TEX11: variants seen among roughly 807,000 people sequenced by gnomAD.
TEX11 encodes testis expressed 11.
In TEX11, 7 loss-of-function variants were observed where a neutral mutation model predicts 84.4. The observed-to-expected ratio is 0.08, with a 90% confidence interval of 0.05 to 0.16. TEX11 has a LOEUF of 0.16. Ranked by LOEUF, TEX11 falls within the 10% of genes least tolerant of loss-of-function variation. The probability of loss-of-function intolerance (pLI) is 1.00; values close to 1 mark genes in which losing one functional copy is unlikely to be tolerated. For synonymous variants in TEX11, 264 were observed against 222.8 expected (o/e 1.18, Z -1.64); for missense variants, 551 against 660.5 (o/e 0.83, Z 1.82).
At chrX:70,856,857 TA>T (rs11338486) in intron 5 of TEX11, among the ~76,000 whole-genome samples, 22,126 of 108,769 alleles carry the variant, frequency 0.2, 3,145 homozygotes, top group African/African-American at 0.45. Context: ...ATTTTTTTTT[TA>T]AAAAAAAGAG....
intron 9 of TEX11, among the ~76,000 whole-genome samples, chrX:70,759,753 G>A (rs1267374257): frequency 9.0e-6 from 1 of 111,665 alleles, no homozygotes; most frequent in East Asian, 2.8e-4. Flanking sequence ...AATGTTGGAA[G>A]TTCTGGCCAG....
At chrX:70,646,286 T>A (rs773449345) in intron 17 of TEX11, among the ~76,000 whole-genome samples, 1 of 111,863 alleles carries the variant, frequency 8.9e-6, no homozygotes, top group Non-Finnish European at 1.9e-5. Context: ...AGATTAAAGA[T>A]TTAAACGTAA....
chrX:70,781,897 G>A (rs2091041513), intron 9 of TEX11, among the ~76,000 whole-genome samples: 1 of 111,551 alleles, frequency 9.0e-6, no homozygotes, highest in African/African-American at 3.3e-5. Context: ...CACTCTTCAG[G>A]ATATTATCCA....
intron 9 of TEX11, 82 bp from the exon 10 acceptor site, chrX:70,744,301 A>G (rs182895098): frequency 7.7e-6 from 3 of 388,912 alleles, no homozygotes; most frequent in Admixed American, 7.3e-5. Flanking sequence ...TCAAGATTAT[A>G]TATTACTAAG....
intron 2 of TEX11, among the ~76,000 whole-genome samples, chrX:70,902,016 G>A (rs1159070105): frequency 1.8e-5 from 2 of 112,872 alleles, no homozygotes; most frequent in Admixed American, 9.3e-5. Context: ...TCGGGACACC[G>A]AGGAAGGAGG....
intron 18 of TEX11, among the ~76,000 whole-genome samples, chrX:70,629,118 C>T (rs1250578417): frequency 9.0e-6 from 1 of 111,624 alleles, no homozygotes; most frequent in Non-Finnish European, 1.9e-5. Flanking sequence ...TCTAAGAGCT[C>T]CACAGATGCT....
At chrX:70,831,115 A>C (rs1003073100) in intron 8 of TEX11, among the ~76,000 whole-genome samples, 2 of 111,983 alleles carry the variant, frequency 1.8e-5, no homozygotes, top group Non-Finnish European at 3.8e-5. Flanking sequence ...ATACAATAGA[A>C]TACTATTCAG....
intron 8 of TEX11, among the ~76,000 whole-genome samples, chrX:70,808,371 T>C (rs934977302): frequency 9.3e-6 from 1 of 107,000 alleles, no homozygotes; most frequent in Non-Finnish European, 1.9e-5. Context: ...GGCGTGGTGG[T>C]GGGCACCTGT....
At chrX:70,522,792 C>G in the TEX11 span, among the ~76,000 whole-genome samples, 1 of 110,086 alleles carries the variant, frequency 9.1e-6, no homozygotes, top group Non-Finnish European at 1.9e-5. Flanking sequence ...ATCTGCCCAC[C>G]TTGGCCTCCC....
rs1488069018 is a variant in TEX11, at chrX:70,678,691, T to C, written c.1242+113A>G. Reference sequence around the variant, plus strand: ...GTGAATATTTAATAAATATATGGTATCTAAACAGACAGAGATTATTGAAGT... The same window carrying C: ...GTGAATATTTAATAAATATATGGTACCTAAACAGACAGAGATTATTGAAGT... On this transcript the variant is annotated intron_variant, in intron 15 of 29. Coordinates refer to ENST00000374333, the MANE Select transcript of TEX11 (RefSeq NM_031276.3). The C allele has an allele frequency of 5.3e-6, 3 of 568,359 alleles. No individual in the cohort carries two copies. The Admixed American group carries it at 1.1e-4, about 21-fold the overall frequency. The allele number at this position is 568,359 out of a possible 1,213,427, so 46.8% of individuals were successfully genotyped here. A position where few individuals can be genotyped will look rare whatever the true frequency, so the allele number is the denominator to read the frequency against.
the TEX11 span, among the ~76,000 whole-genome samples, chrX:70,522,187 C>T: frequency 8.9e-6 from 1 of 111,929 alleles, no homozygotes; most frequent in African/African-American, 3.2e-5. Flanking sequence ...ATGGCTATGC[C>T]ATTTACCAGC....
intron 11 of TEX11, among the ~76,000 whole-genome samples, chrX:70,737,723 C>T (rs1351288327): frequency 9.3e-6 from 1 of 107,720 alleles, no homozygotes; most frequent in Non-Finnish European, 1.9e-5. Context: ...AAATTCTATA[C>T]CTGGAAAAAA....
At chrX:70,870,876 T>C (rs1216339383) in intron 4 of TEX11, among the ~76,000 whole-genome samples, 1 of 111,229 alleles carries the variant, frequency 9.0e-6, no homozygotes, top group Non-Finnish European at 1.9e-5. Flanking sequence ...GGCCTGGGCA[T>C]CTGTATTTTT....
chrX:70,519,862 A>C, the TEX11 span, among the ~76,000 whole-genome samples: 1 of 111,418 alleles, frequency 9.0e-6, no homozygotes, highest in Non-Finnish European at 1.9e-5. Flanking sequence ...CATTTCATTA[A>C]TTTGATCTTC....
chrX:70,622,198 A>G (rs1325453920), intron 20 of TEX11, among the ~76,000 whole-genome samples: 2 of 112,232 alleles, frequency 1.8e-5, no homozygotes, highest in Non-Finnish European at 3.8e-5. Flanking sequence ...TGAACCTACA[A>G]TTCAATTCTC....
chrX:70,799,762 T>C (rs899304916), intron 9 of TEX11, among the ~76,000 whole-genome samples: 4 of 112,262 alleles, frequency 3.6e-5, no homozygotes, highest in Admixed American at 2.8e-4. Flanking sequence ...AAAGCTCTGC[T>C]CTTATCTGCC....
chrX:70,711,138 A>G (rs930880494), intron 13 of TEX11, among the ~76,000 whole-genome samples: 8 of 111,379 alleles, frequency 7.2e-5, no homozygotes, highest in African/African-American at 2.6e-4. Flanking sequence ...TTATGCCTGC[A>G]TAGTATTCCA....
chrX:70,752,540 A>AG (rs1197251481), intron 9 of TEX11, among the ~76,000 whole-genome samples: 7 of 107,905 alleles, frequency 6.5e-5, no homozygotes, highest in Non-Finnish European at 1.1e-4. Context: ...AAAAAAAAAA[A>AG]AAAAAGAAAA....
intron 28 of TEX11, among the ~76,000 whole-genome samples, chrX:70,533,685 A>T (rs887563584): frequency 1.8e-5 from 2 of 110,077 alleles, no homozygotes; most frequent in East Asian, 5.7e-4. Context: ...GTGGCTCAAG[A>T]TGAGGACAGA....
Sources: gnomAD v4.1 joint callset for allele counts (sites outside exome capture counted in the v4.1 genomes callset) on GRCh38, gnomAD v4.1.1 for gene constraint, MANE v1.5 for transcripts, NCBI Gene and HGNC (gene_info 2026-07-23, HGNC 2026-07-21) for gene names.